The following NCF2 variants were observed in gnomAD, a reference collection of about 807,000 sequenced individuals.
The protein encoded by NCF2 is neutrophil cytosolic factor 2.
NCF2 carries 45 observed loss-of-function variants against 70.9 expected under a neutral mutation model. The observed-to-expected ratio is 0.63, with a 90% confidence interval of 0.50 to 0.81. The LOEUF is 0.81. Among genes scored for constraint, NCF2 ranks in the 40% least tolerant of loss-of-function variants. The probability of loss-of-function intolerance (pLI) is 0.00; values close to 1 mark genes in which losing one functional copy is unlikely to be tolerated. For missense variants in NCF2, 522 were observed against 631.6 expected (o/e 0.83, Z 1.86); for synonymous variants, 203 against 233.6 (o/e 0.87, Z 1.19).
At chr1:183,581,466 T>C (rs1386393378) in intron 2 of NCF2, among the ~76,000 whole-genome samples, 3 of 150,428 alleles carry the variant, frequency 2.0e-5, no homozygotes, top group Admixed American at 1.3e-4. Flanking sequence ...AGACCCCTTC[T>C]CTAAAAAAAA....
chr1:183,562,762 G>A (rs1672121228), intron 13 of NCF2, among the ~76,000 whole-genome samples: 1 of 151,172 alleles, frequency 6.6e-6, no homozygotes, highest in Admixed American at 6.6e-5. Context: ...GAACCTGGGC[G>A]GCAGAGGTTT....
Position 183,560,358 on chromosome 1 carries a change from A to G in NCF2, c.1291-85T>C, listed in dbSNP as rs986177778. 5.5e-6 allele frequency: 8 copies of G among 1,447,472 alleles called. No individual in the cohort carries two copies. In the Middle Eastern group the frequency reaches 5.3e-4, roughly 96 times the overall value. 89.7% of individuals were successfully genotyped at this position (1,447,472 alleles called of 1,614,324 possible). On this transcript the variant is annotated intron_variant, in intron 13 of 14. Transcript: ENST00000367535. ...CACTAAAGGAAACAGCGAAATGTCA[A>G]AGTAGAACCTGGGATATAAACTCAT...
intron 10 of NCF2, among the ~76,000 whole-genome samples, chr1:183,564,367 A>G (rs1672214076): frequency 6.6e-6 from 1 of 152,248 alleles, no homozygotes. Flanking sequence ...ATCGGAGTGC[A>G]AGGTGAGCCA....
rs777507234 is a variant in NCF2, at chr1:183,573,269, C to T, written c.525G>A (p.Val175=). The T allele has an allele frequency of 5.0e-6, 8 of 1,614,160 alleles. 1 individual carries two copies. In the South Asian group the frequency reaches 8.8e-5, roughly 18 times the overall value. ...CVWKQKLYEP[V]VIPVGKLFRP... ...GAAACAGCTTGCCCACAGGGATCAC[C>T]ACTGGCTCATATAGCTTCTGCTTCT... The change falls in exon 5 of 15, where the codon GTG becomes GTA. Residue 175 remains valine, a synonymous_variant. Coordinates refer to ENST00000367535, the MANE Select transcript of NCF2 (RefSeq NM_000433.4).
intron 2 of NCF2, among the ~76,000 whole-genome samples, chr1:183,580,112 C>T (rs940114422): frequency 2.0e-5 from 3 of 152,158 alleles, no homozygotes; most frequent in Non-Finnish European, 4.4e-5. Context: ...GAGAAGCCAT[C>T]ACCATTAGGG....
At chr1:183,574,917 G>GT (rs1463493142) in intron 3 of NCF2, among the ~76,000 whole-genome samples, 5 of 152,226 alleles carry the variant, frequency 3.3e-5, no homozygotes, top group Admixed American at 6.5e-5. Context: ...TTCAAACCAG[G>GT]TTAAAAAAAA....
the NCF2 span, among the ~76,000 whole-genome samples, chr1:183,599,462 C>CTTTCTT: frequency 7.3e-6 from 1 of 137,522 alleles, no homozygotes; most frequent in African/African-American, 2.9e-5. Flanking sequence ...TTCTTTCTTT[C>CTTTCTT]TTTCTTTCTT....
chr1:183,601,449 A>C, the NCF2 span, among the ~76,000 whole-genome samples: 1 of 152,232 alleles, frequency 6.6e-6, no homozygotes, highest in East Asian at 1.9e-4. Context: ...ATAGAATTAG[A>C]ATATCTGAGT....
intron 1 of NCF2, among the ~76,000 whole-genome samples, chr1:183,588,847 C>T (rs1390492126): frequency 6.6e-6 from 1 of 152,238 alleles, no homozygotes. Flanking sequence ...GTGGCCCACA[C>T]AACCTTGCCA....
intron 10 of NCF2, 22 bp from the exon 11 acceptor site, chr1:183,564,052 T>C: frequency 6.2e-7 from 1 of 1,606,204 alleles, no homozygotes; most frequent in South Asian, 1.1e-5. Flanking sequence ...AAGTAGGGAG[T>C]AAAACAAAAG....
At chr1:183,566,694 G>A (rs1247367724) in intron 9 of NCF2, among the ~76,000 whole-genome samples, 1 of 152,192 alleles carries the variant, frequency 6.6e-6, no homozygotes, top group African/African-American at 2.4e-5. Context: ...GAGGTGGGTG[G>A]GCCCAATGGG....
At chr1:183,565,813 C>T in intron 9 of NCF2, 34 bp from the exon 10 acceptor site, 1 of 1,607,828 alleles carries the variant, frequency 6.2e-7, no homozygotes, top group East Asian at 2.2e-5. Flanking sequence ...TCAGAACCTT[C>T]ATTCAAAGTT....
upstream of NCF2, among the ~76,000 whole-genome samples, chr1:183,591,738 G>A (rs750909999): frequency 2.6e-5 from 4 of 151,982 alleles, no homozygotes; most frequent in Admixed American, 6.6e-5. Context: ...CGGCCTCCTC[G>A]GCCTCCCCTC....
At chr1:183,590,964 A>G (rs1249055091), upstream of NCF2, 1 of 160,444 alleles carries the variant, frequency 6.2e-6, no homozygotes, top group Non-Finnish European at 1.4e-5. Context: ...ATTTCTGACT[A>G]ATGCCTTTTA....
chr1:183,585,816 G>A (rs563866671), intron 2 of NCF2, among the ~76,000 whole-genome samples: 1 of 152,108 alleles, frequency 6.6e-6, no homozygotes, highest in Non-Finnish European at 1.5e-5. Flanking sequence ...GAGGAATTGA[G>A]ATTAACTTTC....
chr1:183,593,794 T>C (rs1673728027), upstream of NCF2, among the ~76,000 whole-genome samples: 1 of 152,226 alleles, frequency 6.6e-6, no homozygotes, highest in African/African-American at 2.4e-5. Context: ...GTTCAGCCAC[T>C]GTCCATTCGC....
At chr1:183,564,771 G>A (rs951253393) in intron 10 of NCF2, among the ~76,000 whole-genome samples, 1 of 152,212 alleles carries the variant, frequency 6.6e-6, no homozygotes, top group Non-Finnish European at 1.5e-5. Context: ...TTGAGCAGGA[G>A]CAACGGGAGA....
chr1:183,578,530 A>G (rs1672909751), intron 2 of NCF2, among the ~76,000 whole-genome samples: 1 of 151,886 alleles, frequency 6.6e-6, no homozygotes. Flanking sequence ...ACGCCCGGCT[A>G]ATTTTTTATA....
At chr1:183,598,451 C>T in the NCF2 span, among the ~76,000 whole-genome samples, 132 of 152,134 alleles carry the variant, frequency 8.7e-4, 2 homozygotes, top group East Asian at 0.02. Context: ...CCCCAGAGAA[C>T]GCTCTGAGGA....
Sources: allele counts gnomAD v4.1 joint callset (sites outside exome capture counted in the v4.1 genomes callset), GRCh38; gene constraint gnomAD v4.1.1; transcripts MANE v1.5; gene names NCBI Gene and HGNC (gene_info 2026-07-23, HGNC 2026-07-21).